SEMA3D: variants seen among roughly 807,000 people sequenced by gnomAD.
The protein encoded by SEMA3D is semaphorin-3D.
In SEMA3D, 84 loss-of-function variants were observed where a neutral mutation model predicts 100.1. The observed-to-expected ratio is 0.84, with a 90% CI of 0.70 to 1.01. The LOEUF (loss-of-function observed/expected upper bound fraction) is 1.01, where lower values mean the gene tolerates loss of function less well. Ranked by LOEUF, SEMA3D falls within the 50% of genes least tolerant of loss-of-function variation. The probability of loss-of-function intolerance (pLI) is 0.00; values close to 1 mark genes in which losing one functional copy is unlikely to be tolerated. For missense variants in SEMA3D, 875 were observed against 934.1 expected, an observed-to-expected ratio of 0.94 and a Z score of 0.82; for synonymous variants, 312 against 320.7, an observed-to-expected ratio of 0.97 and a Z score of 0.29.
chr7:85,068,813 G>T (rs538370704), intron 6 of SEMA3D, among the ~76,000 whole-genome samples: 1 of 152,174 alleles, frequency 6.6e-6, no homozygotes, highest in African/African-American at 2.4e-5. Flanking sequence ...TTTTCAAGTT[G>T]TTGATACATC....
At chr7:85,076,491 G>A (rs1443719685) in intron 5 of SEMA3D, among the ~76,000 whole-genome samples, 1 of 151,910 alleles carries the variant, frequency 6.6e-6, no homozygotes, top group Non-Finnish European at 1.5e-5. Flanking sequence ...TACCTGGAAA[G>A]ATAATAGCAA....
intron 5 of SEMA3D, among the ~76,000 whole-genome samples, chr7:85,076,962 C>T (rs1791941998): frequency 6.6e-6 from 1 of 151,916 alleles, no homozygotes; most frequent in South Asian, 2.1e-4. Context: ...AAGAAATAGC[C>T]TGGCGCTGTG....
chr7:85,120,672 A>G (rs910865360), intron 3 of SEMA3D, among the ~76,000 whole-genome samples: 1 of 151,918 alleles, frequency 6.6e-6, no homozygotes, highest in African/African-American at 2.4e-5. Flanking sequence ...ATCTCAAAAA[A>G]AAAAAAAAAA....
rs546635722 is a variant in SEMA3D, at chr7:85,014,786, T to C, written c.1703+273A>G. On this transcript the variant is annotated intron_variant, in intron 16 of 18. Transcript: ENST00000284136. ...ATAGTGAATAAAAACAAACCTTTAA[T>C]AGTGCTTGACATAAATGAAAGAAAA... is the stretch of plus-strand genomic sequence containing the variant. Among the ~76,000 whole-genome samples, 84 of 151,864 alleles carry C rather than the reference T, an allele frequency of 5.5e-4. No individual in the cohort carries two copies. In the Middle Eastern group the frequency reaches 0.01, roughly 18 times the overall value.
the SEMA3D span, among the ~76,000 whole-genome samples, chr7:85,216,402 T>G: frequency 6.6e-6 from 1 of 151,660 alleles, no homozygotes. Context: ...AAAATCATTG[T>G]AGTTTGTTGT....
intron 2 of SEMA3D, among the ~76,000 whole-genome samples, chr7:85,133,690 T>G (rs914730483): frequency 6.6e-6 from 1 of 152,026 alleles, no homozygotes; most frequent in African/African-American, 2.4e-5. Flanking sequence ...AATTTCTATT[T>G]TGTTACTTAT....
At chr7:85,131,778 T>G (rs1025796885) in intron 2 of SEMA3D, among the ~76,000 whole-genome samples, 2 of 152,018 alleles carry the variant, frequency 1.3e-5, no homozygotes, top group Non-Finnish European at 2.9e-5. Flanking sequence ...TAAAAAAAAT[T>G]TATGCATCTA....
chr7:85,103,373 C>A (rs1246862482), intron 3 of SEMA3D, among the ~76,000 whole-genome samples: 1 of 151,966 alleles, frequency 6.6e-6, no homozygotes, highest in Non-Finnish European at 1.5e-5. Flanking sequence ...AAATTCTAAA[C>A]TGGAAATTCT....
chr7:85,041,077 T>C (rs1584543957), intron 10 of SEMA3D: 1 of 177,330 alleles, frequency 5.6e-6, no homozygotes, highest in Non-Finnish European at 1.2e-5. Context: ...TTTTTTTTTT[T>C]GATGGAGTCT....
intron 7 of SEMA3D, among the ~76,000 whole-genome samples, chr7:85,066,144 A>G (rs1791612975): frequency 6.6e-6 from 1 of 152,178 alleles, no homozygotes; most frequent in Admixed American, 6.6e-5. Context: ...TGTTGCCATT[A>G]CTGCATACCA....
In SEMA3D at chr7:85,080,935, G is replaced by T. The variant is rs141777706; in HGVS notation, c.375+582C>A. ...AGTACCCTCTATTTGTCTTTTATGA[G>T]TTATTTTATATAATCATTATTACTA... On this transcript the variant is annotated intron_variant, in intron 5 of 18. Transcript: ENST00000284136. Among the ~76,000 whole-genome samples, 12 of 152,222 alleles carry T rather than the reference G, an allele frequency of 7.9e-5. No homozygotes were observed. The East Asian group carries it at 1.9e-3, about 24-fold the overall frequency.
At chr7:85,006,142 G>A (rs1789790349) in intron 18 of SEMA3D, among the ~76,000 whole-genome samples, 1 of 151,870 alleles carries the variant, frequency 6.6e-6, no homozygotes. Flanking sequence ...AGTTGTAAGA[G>A]CCTCTTTTTT....
In SEMA3D at chr7:85,055,267, G is replaced by A. The variant is rs76289807; in HGVS notation, c.861+450C>T. On this transcript the variant is annotated intron_variant, in intron 9 of 18. Coordinates refer to ENST00000284136, the MANE Select transcript of SEMA3D (RefSeq NM_001384900.1). ...ATGCTTAAATTACTCTAGGGATTAC[G>A]TTAAGTTACTTTCATTTAGATTATT... Among the ~76,000 whole-genome samples the A allele has an allele frequency of 6.8e-3, 1,038 of 152,072 alleles. 9 individuals carry two copies. Among genetic ancestry groups the A allele is most frequent in the African/African-American group, 0.024 (991 of 41,518 alleles).
At chr7:85,151,722 T>C (rs887296846) in intron 2 of SEMA3D, 1 of 968,192 alleles carries the variant, frequency 1.0e-6, no homozygotes, top group Admixed American at 6.2e-5. Flanking sequence ...GAGCTTTTTG[T>C]GGTAATATTT....
At chr7:85,083,989 T>C (rs1788143465) in intron 4 of SEMA3D, among the ~76,000 whole-genome samples, 1 of 142,976 alleles carries the variant, frequency 7.0e-6, no homozygotes, top group Non-Finnish European at 1.5e-5. Flanking sequence ...CTATTAAAAA[T>C]ACAAAAAATT....
intron 8 of SEMA3D, among the ~76,000 whole-genome samples, chr7:85,064,998 C>G (rs1484589275): frequency 6.6e-6 from 1 of 152,116 alleles, no homozygotes; most frequent in South Asian, 2.1e-4. Context: ...ACAGACAGTA[C>G]ATGCCTTGGT....
chr7:85,050,735 C>A, intron 9 of SEMA3D: 1 of 523,376 alleles, frequency 1.9e-6, no homozygotes, highest in Non-Finnish European at 3.4e-6. Context: ...GATCAATCTT[C>A]AAAGCACAAA....
At chr7:85,228,636 T>A in the SEMA3D span, among the ~76,000 whole-genome samples, 1 of 151,812 alleles carries the variant, frequency 6.6e-6, no homozygotes, top group Non-Finnish European at 1.5e-5. Flanking sequence ...ATTTTCTGTA[T>A]TTTTTTTAAC....
chr7:85,241,857 C>A, the SEMA3D span, among the ~76,000 whole-genome samples: 2 of 151,774 alleles, frequency 1.3e-5, no homozygotes, highest in Non-Finnish European at 2.9e-5. Context: ...AAATAAACTA[C>A]AATAAGATAT....
Sources: allele counts gnomAD v4.1 joint callset (sites outside exome capture counted in the v4.1 genomes callset), GRCh38; gene constraint gnomAD v4.1.1; transcripts MANE v1.5; gene names NCBI Gene and HGNC (gene_info 2026-07-23, HGNC 2026-07-21).